The following TRIM29 variants were observed in gnomAD, a reference collection of about 807,000 sequenced individuals.
The protein encoded by TRIM29 is tripartite motif-containing protein 29.
In TRIM29, 52 loss-of-function variants were observed where a neutral mutation model predicts 57.3. The ratio of observed to expected loss-of-function variants is 0.91; its 90% confidence interval spans 0.73 to 1.14. The LOEUF is 1.14. TRIM29 is among the 50% of genes most tolerant of loss of function. The pLI is 0.00. For missense variants in TRIM29, 753 were observed against 774.6 expected (o/e 0.97, Z 0.33); for synonymous variants, 319 against 316.9 (o/e 1.01, Z -0.07).
Position 120,137,905 on chromosome 11 carries a change from T to A in TRIM29, c.127A>T (p.Thr43Ser). ...TKADGKDAKT[T>S]NGHGGEAAEG... is the part of the protein sequence containing the mutation. Reference sequence around the variant, plus strand: ...GCTGCCTCCCCGCCGTGCCCGTTGGTGGTCTTGGCATCCTTGCCGTCAGCC... The same window carrying A: ...GCTGCCTCCCCGCCGTGCCCGTTGGAGGTCTTGGCATCCTTGCCGTCAGCC... Residue 43 changes from threonine to serine, a missense_variant, in exon 1 of 9, where the codon ACC becomes TCC. Thr to Ser is a moderately conservative substitution (Grantham distance 58, BLOSUM62 1). Transcript: ENST00000341846. The surrounding 1 kb of genome is among the most constrained non-coding windows in gnomAD (Gnocchi z 6.2). 1 of 1,610,768 alleles carries A rather than the reference T, an allele frequency of 6.2e-7. No homozygotes were observed. The highest frequency in any genetic ancestry group is 1.3e-5 in the African/African-American group (1 of 75,058).
In TRIM29 at chr11:120,113,528, C is replaced by A. The variant is rs1863190175; in HGVS notation, c.1705-1052G>T. On this transcript the variant is annotated intron_variant, in intron 8 of 8. Transcript: ENST00000341846. ...TACAGGAGACATCATTTGCCCCTCA[C>A]ACACACACCTCAAGGGTACACTGCC... The A allele has an allele frequency of 9.3e-6, 4 of 430,884 alleles. No homozygotes were observed. The Admixed American group carries it at 1.0e-4, about 11-fold the overall frequency. 26.7% of individuals were successfully genotyped at this position (430,884 alleles called of 1,614,324 possible).
At chr11:120,113,138 T>C (rs1015802535) in intron 8 of TRIM29, among the ~76,000 whole-genome samples, 19 of 151,956 alleles carry the variant, frequency 1.3e-4, no homozygotes, top group African/African-American at 4.6e-4. Context: ...GCAGAGAGGG[T>C]AAAGAACTGC....
Position 120,112,053 on chromosome 11 carries a change from G to C in TRIM29, c.*361C>G. 2 of 285,352 alleles carry C rather than the reference G, an allele frequency of 7.0e-6. No individual in the cohort carries two copies. The highest frequency in any genetic ancestry group is 1.3e-5 in the Non-Finnish European group (2 of 149,040). The allele number at this position is 285,352 out of a possible 1,614,324, so 17.7% of individuals were successfully genotyped here. ...TGGAGACAGCAGGGCGTGGGCGGGA[G>C]AGGCAGGCTGATACCATGCGGGTAC... is the stretch of plus-strand genomic sequence containing the variant. On this transcript the variant is annotated 3_prime_UTR_variant, in exon 9 of 9. Coordinates refer to ENST00000341846, the MANE Select transcript of TRIM29 (RefSeq NM_012101.4).
intron 6 of TRIM29, among the ~76,000 whole-genome samples, chr11:120,120,175 G>A (rs866407234): frequency 2.5e-5 from 3 of 120,064 alleles, no homozygotes; most frequent in East Asian, 2.6e-4. Context: ...ATACTTGTGG[G>A]GGGGGTGGCG....
In TRIM29 at chr11:120,137,694, G is replaced by A. The variant is rs373408240; in HGVS notation, c.338C>T (p.Ala113Val). 2 of 1,613,238 alleles carry A rather than the reference G, an allele frequency of 1.2e-6. No individual in the cohort carries two copies. Among genetic ancestry groups the A allele is most frequent in the Non-Finnish European group, 1.7e-6 (2 of 1,180,010 alleles). Reference protein sequence around the residue: ...RSPYAGLQLGAAKKPPVTFAE... With the variant: ...RSPYAGLQLGVAKKPPVTFAE... ...AAAGGTAACGGGTGGCTTCTTGGCA[G>A]CCCCCAGCTGGAGCCCTGCGTACGG... The change falls in exon 1 of 9, where the codon GCT becomes GTT. Residue 113 changes from alanine (A) to valine (V), a missense_variant. Ala to Val is a moderately conservative substitution (Grantham distance 64). Transcript: ENST00000341846. This position sits in a 1 kb window ranked among gnomAD's most constrained non-coding sequence, Gnocchi z 6.2.
intron 4 of TRIM29, chr11:120,123,393 T>C (rs961986978): frequency 1.8e-5 from 9 of 497,618 alleles, no homozygotes; most frequent in Non-Finnish European, 3.1e-5. Context: ...TGTGGTTGTA[T>C]CCCCCTGAGA....
intron 5 of TRIM29, 44 bp downstream of exon 5, chr11:120,122,910 C>T (rs1409004116): frequency 6.4e-6 from 10 of 1,572,108 alleles, no homozygotes; most frequent in Non-Finnish European, 7.9e-6. Flanking sequence ...GGCCCCTGGG[C>T]AGCAGGAGAG....
chr11:120,128,528 G>T (rs759867910), intron 1 of TRIM29, 33 bp from the exon 2 acceptor site: 2 of 1,597,700 alleles, frequency 1.3e-6, no homozygotes, highest in Non-Finnish European at 1.7e-6. Flanking sequence ...GGAGAAGTCA[G>T]GGGGAGGAGA....
chr11:120,122,130 G>A (rs1036275769), intron 5 of TRIM29: 1 of 324,240 alleles, frequency 3.1e-6, no homozygotes, highest in Non-Finnish European at 6.1e-6. Context: ...TTGTGTGTGT[G>A]AGTGTGTGTG....
Position 120,112,439 on chromosome 11 carries a change from C to A in TRIM29, c.1742G>T (p.Gly581Val). The change falls in exon 9 of 9, where the codon GGG becomes GTG. Residue 581 changes from glycine to valine, a missense_variant. Transcript: ENST00000341846. ...YRPFYVNKGN[G>V]IGSNEAP ...TCATGGGGCTTCGTTGGACCCAATC[C>A]CGTTGCCTTTGTTGACGTAGAATGG... The A allele has an allele frequency of 6.2e-7, 1 of 1,613,466 alleles. No homozygotes were observed. Among genetic ancestry groups the A allele is most frequent in the East Asian group, 2.2e-5 (1 of 44,858 alleles).
chr11:120,116,979 C>T, intron 7 of TRIM29: 1 of 435,402 alleles, frequency 2.3e-6, no homozygotes, highest in African/African-American at 2.0e-5. Flanking sequence ...TTTAGACAGC[C>T]CACTGCGACC....
chr11:120,124,608 A>G (rs1419566487), intron 4 of TRIM29: 2 of 152,200 alleles, frequency 1.3e-5, no homozygotes, highest in Admixed American at 6.5e-5. Context: ...CGAGCACTCA[A>G]TCATTGTCAG....
intron 4 of TRIM29, chr11:120,125,336 G>T: frequency 3.4e-6 from 1 of 295,194 alleles, no homozygotes; most frequent in Non-Finnish European, 6.5e-6. Context: ...CCATACTAGT[G>T]GCAGCATCCA....
chr11:120,122,374 G>A (rs1160508792), intron 5 of TRIM29, among the ~76,000 whole-genome samples: 1 of 152,124 alleles, frequency 6.6e-6, no homozygotes, highest in Non-Finnish European at 1.5e-5. Flanking sequence ...GGCCACCACA[G>A]GGCAAGGACA....
intron 5 of TRIM29, chr11:120,121,652 C>T (rs999378624): frequency 3.0e-5 from 6 of 202,326 alleles, no homozygotes; most frequent in Non-Finnish European, 5.3e-5. Flanking sequence ...GATACAGGTA[C>T]TGAGGCCTGC....
intron 2 of TRIM29, among the ~76,000 whole-genome samples, chr11:120,127,876 C>T (rs1338499878): frequency 1.3e-5 from 2 of 152,174 alleles, no homozygotes; most frequent in Admixed American, 6.5e-5. Flanking sequence ...TCACAATATG[C>T]TCCCTGAAAC....
chr11:120,112,646 G>A (rs920322112), intron 8 of TRIM29, among the ~76,000 whole-genome samples, 170 bp from the exon 9 acceptor site: 1 of 152,112 alleles, frequency 6.6e-6, no homozygotes, highest in East Asian at 1.9e-4. Flanking sequence ...ATCAGGGGCT[G>A]GTCCCTAATG....
intron 4 of TRIM29, 148 bp downstream of exon 4, chr11:120,125,543 C>T (rs554721143): frequency 3.9e-6 from 3 of 773,138 alleles, no homozygotes; most frequent in African/African-American, 4.1e-5. Flanking sequence ...TCCCTGTATC[C>T]TAGTCCAAAC....
At chr11:120,125,399 T>A (rs1419243954) in intron 4 of TRIM29, 1 of 445,486 alleles carries the variant, frequency 2.2e-6, no homozygotes, top group Non-Finnish European at 4.1e-6. Context: ...ACGAAACCAG[T>A]CTCTGAGTTT....
Sources: gnomAD v4.1 joint callset for allele counts (sites outside exome capture counted in the v4.1 genomes callset) on GRCh38, gnomAD v4.1.1 for gene constraint, Gnocchi (gnomAD v3.1) non-coding constraint, MANE v1.5 for transcripts, NCBI Gene and HGNC (gene_info 2026-07-23, HGNC 2026-07-21) for gene names.